Variants in HS3ST4 observed in about 807,000 individuals in gnomAD.
HS3ST4 encodes the protein heparan sulfate glucosamine 3-O-sulfotransferase 4.
HS3ST4 carries 17 observed loss-of-function variants against 29.2 expected under a neutral mutation model. That is an observed-to-expected ratio of 0.58 (90% CI 0.40 to 0.87). HS3ST4 has a LOEUF of 0.87. HS3ST4 is among the 40% of genes least tolerant of loss of function. HS3ST4 has a pLI of 0.00. For synonymous variants in HS3ST4, 314 were observed against 285.7 expected, an observed-to-expected ratio of 1.10 and a Z score of -1.00; for missense variants, 627 against 634.5, an observed-to-expected ratio of 0.99 and a Z score of 0.13.
intron 1 of HS3ST4, among the ~76,000 whole-genome samples, chr16:25,764,359 A>T (rs16975184): frequency 0.057 from 8,636 of 152,248 alleles, 810 homozygotes; most frequent in African/African-American, 0.2. Flanking sequence ...TTCACAGTAC[A>T]ATACCATTTT....
chr16:26,021,613 C>G (rs1190245120), intron 1 of HS3ST4, among the ~76,000 whole-genome samples: 1 of 152,042 alleles, frequency 6.6e-6, no homozygotes, highest in African/African-American at 2.4e-5. Flanking sequence ...ACATGCGGCC[C>G]CTTCCCATAC....
At chr16:25,944,909 G>C (rs1968610640) in intron 1 of HS3ST4, among the ~76,000 whole-genome samples, 1 of 152,156 alleles carries the variant, frequency 6.6e-6, no homozygotes. Flanking sequence ...ACTCAACTGA[G>C]TTCCTTGGCT....
At chr16:25,975,536 G>A (rs1968936002) in intron 1 of HS3ST4, among the ~76,000 whole-genome samples, 1 of 152,176 alleles carries the variant, frequency 6.6e-6, no homozygotes. Flanking sequence ...GCACATTTAT[G>A]CCACAAATCT....
At chr16:26,096,273 C>G (rs564557271) in intron 1 of HS3ST4, among the ~76,000 whole-genome samples, 125 of 152,248 alleles carry the variant, frequency 8.2e-4, no homozygotes, top group Middle Eastern at 3.4e-3. Context: ...ATACCAAATC[C>G]TGGCAGAGAC....
intron 1 of HS3ST4, among the ~76,000 whole-genome samples, chr16:25,862,364 T>C (rs1277219061): frequency 6.6e-6 from 1 of 152,078 alleles, no homozygotes; most frequent in Non-Finnish European, 1.5e-5. Context: ...GGCTAATTTT[T>C]GTAGTTTTAG....
intron 1 of HS3ST4, among the ~76,000 whole-genome samples, chr16:25,908,348 G>A (rs1035707557): frequency 2.0e-5 from 3 of 152,198 alleles, no homozygotes; most frequent in African/African-American, 7.2e-5. Context: ...AAAAGATGTG[G>A]TGTTGAAGGT....
intron 1 of HS3ST4, among the ~76,000 whole-genome samples, chr16:26,128,152 G>T (rs1400197712): frequency 6.6e-6 from 1 of 152,058 alleles, no homozygotes; most frequent in Non-Finnish European, 1.5e-5. Context: ...ATGCAGCTGA[G>T]ATTTGACACT....
intron 1 of HS3ST4, among the ~76,000 whole-genome samples, chr16:25,793,150 CA>C (rs1266573088): frequency 6.6e-6 from 1 of 151,874 alleles, no homozygotes; most frequent in African/African-American, 2.4e-5. Flanking sequence ...TGAATAGTTT[CA>C]GCCCTTGATG....
At chr16:25,696,306 A>C (rs2141578397) in intron 1 of HS3ST4, among the ~76,000 whole-genome samples, 1 of 152,266 alleles carries the variant, frequency 6.6e-6, no homozygotes. Flanking sequence ...CTAGGCAGAG[A>C]CTTTAAACTC....
chr16:26,089,024 G>A (rs952237110), intron 1 of HS3ST4, among the ~76,000 whole-genome samples: 7 of 152,170 alleles, frequency 4.6e-5, no homozygotes, highest in Admixed American at 3.9e-4. Context: ...CTAGCTTGTT[G>A]CCTGCCTGTA....
intron 1 of HS3ST4, among the ~76,000 whole-genome samples, chr16:25,960,876 G>A (rs1415738047): frequency 1.3e-5 from 2 of 152,194 alleles, no homozygotes; most frequent in Non-Finnish European, 2.9e-5. Context: ...TCTGTGCAAG[G>A]AAACATGGGT....
At chr16:25,909,412 C>T (rs1968214115) in intron 1 of HS3ST4, among the ~76,000 whole-genome samples, 1 of 152,104 alleles carries the variant, frequency 6.6e-6, no homozygotes, top group Non-Finnish European at 1.5e-5. Context: ...TGGTCTTGAG[C>T]TCCTGGACAT....
At chr16:25,846,899 A>G (rs1299535196) in intron 1 of HS3ST4, among the ~76,000 whole-genome samples, 2 of 151,766 alleles carry the variant, frequency 1.3e-5, no homozygotes, top group African/African-American at 2.4e-5. Flanking sequence ...TGTTCCACTC[A>G]TTCATCTCTG....
chr16:26,075,994 CA>C (rs577552719), intron 1 of HS3ST4, among the ~76,000 whole-genome samples: 130 of 152,224 alleles, frequency 8.5e-4, no homozygotes, highest in African/African-American at 3.0e-3. Flanking sequence ...CCATCAATGA[CA>C]CACAGAAAAA....
chr16:25,909,359 T>C (rs35379477), intron 1 of HS3ST4, among the ~76,000 whole-genome samples: 39,502 of 151,924 alleles, frequency 0.26, 5,591 homozygotes, highest in East Asian at 0.65. Flanking sequence ...CAGCTAATTT[T>C]TATATTTTTT....
intron 1 of HS3ST4, among the ~76,000 whole-genome samples, chr16:25,984,711 T>C (rs1488302382): frequency 6.6e-6 from 1 of 152,214 alleles, no homozygotes; most frequent in African/African-American, 2.4e-5. Flanking sequence ...GCCCTCCAGT[T>C]CCATCCACAT....
At chr16:25,967,375 C>T (rs1968851965) in intron 1 of HS3ST4, among the ~76,000 whole-genome samples, 1 of 152,104 alleles carries the variant, frequency 6.6e-6, no homozygotes. Flanking sequence ...AGGATGGTCT[C>T]ATTCTCTTGA....
At chr16:25,807,865 T>C (rs1479059123) in intron 1 of HS3ST4, among the ~76,000 whole-genome samples, 1 of 152,188 alleles carries the variant, frequency 6.6e-6, no homozygotes, top group Non-Finnish European at 1.5e-5. Context: ...TGGTATCTCA[T>C]TGTGATTTTA....
chr16:26,026,897 A>G (rs1474897651), intron 1 of HS3ST4, among the ~76,000 whole-genome samples: 1 of 152,218 alleles, frequency 6.6e-6, no homozygotes, highest in African/African-American at 2.4e-5. Context: ...CTCATGGGAC[A>G]TTTAAATGAT....
Sources: gnomAD v4.1 joint callset for allele counts (sites outside exome capture counted in the v4.1 genomes callset) on GRCh38, gnomAD v4.1.1 for gene constraint, MANE v1.5 for transcripts, NCBI Gene and HGNC (gene_info 2026-07-23, HGNC 2026-07-21) for gene names.